Variants in EXOC6B observed in about 807,000 individuals in gnomAD.
EXOC6B encodes the protein SEC15 homolog B.
A neutral mutation model predicts 113.5 loss-of-function variants in EXOC6B; 54 were observed. The observed-to-expected ratio is 0.48, with a 90% CI of 0.38 to 0.60. EXOC6B has a LOEUF of 0.60. Ranked by LOEUF, EXOC6B falls within the 20% of genes least tolerant of loss-of-function variation. The pLI is 0.00. For synonymous variants in EXOC6B, 357 were observed against 339.0 expected (o/e 1.05, Z -0.58); for missense variants, 797 against 977.5 (o/e 0.82, Z 2.46).
At chr2:72,379,696 G>A (rs1319099026) in intron 19 of EXOC6B, 33 bp downstream of exon 19, 1 of 1,556,672 alleles carries the variant, frequency 6.4e-7, no homozygotes, top group Non-Finnish European at 8.7e-7. Flanking sequence ...TTGCTGGTAA[G>A]ATAAACAAGC....
At chr2:72,192,374 C>T (rs967868645) in intron 20 of EXOC6B, among the ~76,000 whole-genome samples, 5 of 152,100 alleles carry the variant, frequency 3.3e-5, no homozygotes, top group African/African-American at 1.2e-4. Flanking sequence ...CTCCTCTTGC[C>T]CAGCACTAGA....
chr2:72,559,594 CAAGT>C, intron 7 of EXOC6B, 73 bp from the exon 8 acceptor site: 1 of 1,238,512 alleles, frequency 8.1e-7, no homozygotes, highest in Non-Finnish European at 1.2e-6. Flanking sequence ...TGTTACTACT[CAAGT>C]GTTTGGTTCT....
intron 18 of EXOC6B, among the ~76,000 whole-genome samples, chr2:72,396,974 GA>G (rs74585468): frequency 0.22 from 30,854 of 139,154 alleles, 5,952 homozygotes; most frequent in African/African-American, 0.53. Context: ...GAACTCTACT[GA>G]AAAAAAAAAA....
chr2:72,577,961 ATT>A (rs1453265915), intron 6 of EXOC6B, among the ~76,000 whole-genome samples: 1 of 152,060 alleles, frequency 6.6e-6, no homozygotes, highest in East Asian at 1.9e-4. Flanking sequence ...TTTGTAAGTA[ATT>A]TTTACACACT....
At chr2:72,807,000 T>C (rs189478770) in intron 1 of EXOC6B, among the ~76,000 whole-genome samples, 1 of 152,370 alleles carries the variant, frequency 6.6e-6, no homozygotes, top group Admixed American at 6.5e-5. Context: ...ATAGTTTCTT[T>C]TAATGCACAG....
chr2:72,683,783 G>A (rs1676879664), intron 6 of EXOC6B, among the ~76,000 whole-genome samples: 1 of 152,132 alleles, frequency 6.6e-6, no homozygotes, highest in African/African-American at 2.4e-5. Context: ...TCTCTGAAGT[G>A]ACTTCAGCCC....
intron 18 of EXOC6B, among the ~76,000 whole-genome samples, chr2:72,427,324 G>A (rs1470120821): frequency 1.3e-5 from 2 of 152,140 alleles, no homozygotes; most frequent in Non-Finnish European, 2.9e-5. Context: ...GCAGACGGGA[G>A]CCCCACCCTC....
intron 20 of EXOC6B, among the ~76,000 whole-genome samples, chr2:72,252,019 T>G (rs975614295): frequency 2.6e-5 from 4 of 152,196 alleles, no homozygotes. Flanking sequence ...TTGTGTATAC[T>G]CAAGGGCATT....
rs143178994 is a variant in EXOC6B at position 72,513,097 on chromosome 2, T to C, written c.1167+35A>G. 1,503 of 1,609,848 alleles carry C rather than the reference T, an allele frequency of 9.3e-4. 7 individuals are homozygous for C. In the African/African-American group the frequency reaches 0.017, roughly 18 times the overall value. On this transcript the variant is annotated intron_variant, in intron 11 of 21. Coordinates refer to ENST00000272427, the MANE Select transcript of EXOC6B (RefSeq NM_015189.3). ...AACACTGAATATATAGATAATCAGC[T>C]CTAAATAACAACTTCCCTTGGGCTT...
chr2:72,338,940 T>TACACATACACAA (rs1161240442), intron 19 of EXOC6B, among the ~76,000 whole-genome samples: 16 of 151,150 alleles, frequency 1.1e-4, no homozygotes, highest in Non-Finnish European at 2.1e-4. Context: ...CACATACACA[T>TACACATACACAA]ACACATACAC....
chr2:72,271,714 G>A (rs901743170), intron 20 of EXOC6B, among the ~76,000 whole-genome samples: 1 of 152,026 alleles, frequency 6.6e-6, no homozygotes, highest in African/African-American at 2.4e-5. Flanking sequence ...ATACTTCTGG[G>A]TTTGCACATA....
intron 20 of EXOC6B, among the ~76,000 whole-genome samples, chr2:72,299,802 T>C (rs6546757): frequency 0.14 from 21,726 of 152,190 alleles, 1,998 homozygotes; most frequent in African/African-American, 0.26. Flanking sequence ...GCCTCTCTGC[T>C]GCAGGTCTGG....
chr2:72,662,123 GA>G (rs1251735632), intron 6 of EXOC6B, among the ~76,000 whole-genome samples: 43 of 124,564 alleles, frequency 3.5e-4, no homozygotes, highest in South Asian at 6.0e-4. Context: ...GGGGAGGGGG[GA>G]AAGGAAGAGA....
In EXOC6B at chr2:72,414,753, C is replaced by T. The variant is rs185144108; in HGVS notation, c.1981-34883G>A. Among the ~76,000 whole-genome samples, 373 of 152,326 alleles carry T rather than the reference C, an allele frequency of 2.4e-3. 2 individuals are homozygous for T. The highest frequency in any genetic ancestry group is 8.3e-3 in the African/African-American group (343 of 41,572). ...TACATCCCAAGAATACGATACTCAA[C>T]TCTACATAAATTTACCAGCTCACTG... On this transcript the variant is annotated intron_variant, in intron 18 of 21. Coordinates refer to ENST00000272427, the MANE Select transcript of EXOC6B (RefSeq NM_015189.3).
At chr2:72,513,414 G>A (rs544149018) in intron 10 of EXOC6B, among the ~76,000 whole-genome samples, 162 bp from the exon 11 acceptor site, 1 of 152,014 alleles carries the variant, frequency 6.6e-6, no homozygotes, top group Non-Finnish European at 1.5e-5. Flanking sequence ...CAGACTACTT[G>A]GACCAAAAAT....
chr2:72,540,476 A>C (rs10165868), intron 8 of EXOC6B, among the ~76,000 whole-genome samples: 3,882 of 152,312 alleles, frequency 0.025, 181 homozygotes, highest in African/African-American at 0.088. Context: ...AACCATTTGA[A>C]ATTATGTTAT....
At chr2:72,295,092 A>G (rs1209769073) in intron 20 of EXOC6B, among the ~76,000 whole-genome samples, 1 of 151,818 alleles carries the variant, frequency 6.6e-6, no homozygotes, top group Admixed American at 6.6e-5. Context: ...TTAGCCGGGC[A>G]TAGTGGCGTG....
At chr2:72,540,337 G>A (rs1702529220) in intron 8 of EXOC6B, among the ~76,000 whole-genome samples, 1 of 151,942 alleles carries the variant, frequency 6.6e-6, no homozygotes, top group Non-Finnish European at 1.5e-5. Flanking sequence ...TCAACTTACA[G>A]AAAAATTATA....
chr2:72,706,071 T>C (rs1007415182), intron 6 of EXOC6B, among the ~76,000 whole-genome samples: 18 of 152,208 alleles, frequency 1.2e-4, no homozygotes, highest in Non-Finnish European at 2.4e-4. Flanking sequence ...ATATTTATTG[T>C]TCTAACAAGA....
Sources: gnomAD v4.1 joint callset for allele counts (sites outside exome capture counted in the v4.1 genomes callset) on GRCh38, gnomAD v4.1.1 for gene constraint, MANE v1.5 for transcripts, NCBI Gene and HGNC (gene_info 2026-07-23, HGNC 2026-07-21) for gene names.